UBE2W: variants seen among roughly 807,000 people sequenced by gnomAD.
UBE2W encodes the protein ubiquitin conjugating enzyme E2 W.
In UBE2W, 18 loss-of-function variants were observed where a neutral mutation model predicts 27.2. The ratio of observed to expected loss-of-function variants is 0.66; its 90% confidence interval spans 0.46 to 0.98. The LOEUF is 0.98. Among genes scored for constraint, UBE2W ranks in the 50% least tolerant of loss-of-function variants. The pLI is 0.00. For missense variants in UBE2W, 90 were observed against 180.2 expected (o/e 0.50, Z 2.87); for synonymous variants, 53 against 57.2 (o/e 0.93, Z 0.33).
chr8:73,866,285 AAAAAAATAT>A (rs1221861602), intron 1 of UBE2W, among the ~76,000 whole-genome samples: 7 of 107,868 alleles, frequency 6.5e-5, no homozygotes, highest in Non-Finnish European at 8.9e-5. Context: ...AAAAAAAAAA[AAAAAAATAT>A]ATATATATAT....
intron 5 of UBE2W, among the ~76,000 whole-genome samples, chr8:73,800,285 T>C (rs1007788811): frequency 1.3e-5 from 2 of 152,232 alleles, no homozygotes; most frequent in African/African-American, 4.8e-5. Flanking sequence ...TTGATTGCTA[T>C]GAAACTCACT....
rs1809787222 is a variant in UBE2W at position 73,825,213 on chromosome 8, T to A, written c.144A>T (p.Leu48Phe). 1 of 1,563,628 alleles carries A rather than the reference T, an allele frequency of 6.4e-7. No homozygotes were observed. The highest frequency in any genetic ancestry group is 8.7e-7 in the Non-Finnish European group (1 of 1,152,536). Residue 48 changes from leucine (L) to phenylalanine (F), a missense_variant, in exon 3 of 6, where the codon TTA becomes TTT. Transcript: ENST00000602593. Reference sequence around the variant, plus strand: ...GAAGTTGAAATTTTTCCCCTTCATATAAGGTACCTGGTGCACCTTCCATGT... The same window carrying A: ...GAAGTTGAAATTTTTCCCCTTCATAAAAGGTACCTGGTGCACCTTCCATGT... Reference protein sequence around the residue: ...IVDMEGAPGTLYEGEKFQLLF... With the variant: ...IVDMEGAPGTFYEGEKFQLLF...
intron 3 of UBE2W, among the ~76,000 whole-genome samples, chr8:73,816,799 G>A (rs762382794): frequency 6.6e-6 from 1 of 152,218 alleles, no homozygotes; most frequent in Non-Finnish European, 1.5e-5. Flanking sequence ...TTGGGAGGCC[G>A]AGGTGGGCGG....
chr8:73,782,362 T>C (rs1208430489), downstream of UBE2W, among the ~76,000 whole-genome samples: 2 of 152,154 alleles, frequency 1.3e-5, no homozygotes, highest in South Asian at 2.1e-4. Flanking sequence ...ATAATGAACA[T>C]ATGTATCATT....
chr8:73,784,472 C>T (rs1018595227), downstream of UBE2W, among the ~76,000 whole-genome samples: 1 of 152,178 alleles, frequency 6.6e-6, no homozygotes, highest in Non-Finnish European at 1.5e-5. Flanking sequence ...TCCTCTAATG[C>T]TTTCTAGGTC....
chr8:73,793,101 A>C lies in UBE2W; in HGVS notation c.*1001T>G. The C allele has an allele frequency of 1.0e-6, 1 of 985,854 alleles. No individual in the cohort carries two copies. The highest frequency in any genetic ancestry group is 1.2e-6 in the Non-Finnish European group (1 of 829,894). 61.1% of individuals were successfully genotyped at this position (985,854 alleles called of 1,614,324 possible). On this transcript the variant is annotated 3_prime_UTR_variant, in exon 6 of 6. Transcript: ENST00000602593. ...AAAAGTATTGTAACATTCAAACTTG[A>C]CTTATAACAAAAGAAACAAGATTGC...
At chr8:73,827,261 T>C (rs1417770487) in intron 2 of UBE2W, among the ~76,000 whole-genome samples, 9 of 152,178 alleles carry the variant, frequency 5.9e-5, no homozygotes. Context: ...TTGCCCAGGC[T>C]GGAGTGCAAT....
intron 3 of UBE2W, among the ~76,000 whole-genome samples, chr8:73,812,221 T>TAA: frequency 1.3e-5 from 1 of 75,384 alleles, no homozygotes; most frequent in African/African-American, 4.0e-5. Flanking sequence ...TTCCCACTAA[T>TAA]AAAAAAAAAA....
At chr8:73,800,000 T>C (rs1417350091) in intron 5 of UBE2W, among the ~76,000 whole-genome samples, 1 of 152,156 alleles carries the variant, frequency 6.6e-6, no homozygotes, top group East Asian at 1.9e-4. Context: ...AATTAATGTG[T>C]TATACTTTTT....
chr8:73,857,687 A>T (rs1202496350), intron 1 of UBE2W, among the ~76,000 whole-genome samples: 1 of 152,054 alleles, frequency 6.6e-6, no homozygotes, highest in Non-Finnish European at 1.5e-5. Context: ...ATGGTGGCAG[A>T]CGCCTGTAGT....
intron 1 of UBE2W, among the ~76,000 whole-genome samples, chr8:73,865,005 G>A (rs909741558): frequency 6.6e-5 from 10 of 151,772 alleles, no homozygotes; most frequent in Admixed American, 1.3e-4. Flanking sequence ...CAGCCTTCAC[G>A]TATACAAAGG....
At chr8:73,830,339 TTGG>T (rs768111128) in intron 2 of UBE2W, 39 bp downstream of exon 2, 4 of 1,389,014 alleles carry the variant, frequency 2.9e-6, no homozygotes, top group Non-Finnish European at 4.1e-6. Flanking sequence ...TCATACATTA[TTGG>T]TAATAAAACA....
chr8:73,822,730 G>A (rs540090171), intron 3 of UBE2W, among the ~76,000 whole-genome samples: 37 of 151,446 alleles, frequency 2.4e-4, no homozygotes, highest in African/African-American at 8.2e-4. Context: ...GTTGCAGTGA[G>A]CCAAGATTGC....
downstream of UBE2W, among the ~76,000 whole-genome samples, chr8:73,785,957 TATATG>T (rs1333055736): frequency 6.6e-6 from 1 of 151,834 alleles, no homozygotes; most frequent in Non-Finnish European, 1.5e-5. Context: ...TGTCACATTT[TATATG>T]ATATGCTTTT....
intron 1 of UBE2W, among the ~76,000 whole-genome samples, chr8:73,846,838 T>C (rs1810824799): frequency 6.6e-6 from 1 of 152,216 alleles, no homozygotes; most frequent in African/African-American, 2.4e-5. Flanking sequence ...ATAATAAGTA[T>C]GTTAAATTAG....
At chr8:73,825,443 G>C (rs553157052) in intron 2 of UBE2W, among the ~76,000 whole-genome samples, 194 bp from the exon 3 acceptor site, 1 of 152,044 alleles carries the variant, frequency 6.6e-6, no homozygotes, top group Non-Finnish European at 1.5e-5. Flanking sequence ...GACACTCAGC[G>C]GTGAAATAAC....
intron 3 of UBE2W, 140 bp from the exon 4 acceptor site, chr8:73,810,769 C>T: frequency 8.6e-6 from 5 of 579,436 alleles, no homozygotes; most frequent in Non-Finnish European, 1.4e-5. Context: ...TAAACAACTG[C>T]TTATTTGTTT....
At chr8:73,835,032 C>A (rs1390804353) in intron 1 of UBE2W, among the ~76,000 whole-genome samples, 1 of 152,146 alleles carries the variant, frequency 6.6e-6, no homozygotes, top group African/African-American at 2.4e-5. Flanking sequence ...AACACTGCTG[C>A]AGAAATCTTC....
chr8:73,875,925 C>T (rs1419435171), intron 1 of UBE2W, among the ~76,000 whole-genome samples: 3 of 152,004 alleles, frequency 2.0e-5, no homozygotes, highest in Non-Finnish European at 2.9e-5. Flanking sequence ...TGGTGGCCAG[C>T]GCCTGTAATC....
Sources: gnomAD v4.1 joint callset for allele counts (sites outside exome capture counted in the v4.1 genomes callset) on GRCh38, gnomAD v4.1.1 for gene constraint, MANE v1.5 for transcripts, NCBI Gene and HGNC (gene_info 2026-07-23, HGNC 2026-07-21) for gene names.